Variants in PHACTR1 observed in about 807,000 individuals in gnomAD.
The protein encoded by PHACTR1 is RPEL repeat containing 1.
Under a neutral mutation model 69.2 loss-of-function variants are expected in PHACTR1, and 16 were observed. The observed-to-expected ratio is 0.23, with a 90% CI of 0.16 to 0.35. The LOEUF is 0.35. Among genes scored for constraint, PHACTR1 ranks in the 10% least tolerant of loss-of-function variants. The pLI is 1.00. For synonymous variants in PHACTR1, 312 were observed against 284.5 expected, an observed-to-expected ratio of 1.10 and a Z score of -0.97; for missense variants, 510 against 734.7, an observed-to-expected ratio of 0.69 and a Z score of 3.54.
intron 5 of PHACTR1, among the ~76,000 whole-genome samples, chr6:13,150,519 T>C (rs539479187): frequency 6.6e-5 from 10 of 152,324 alleles, no homozygotes; most frequent in African/African-American, 2.4e-4. Flanking sequence ...GTGGTACTCA[T>C]ACAAATTGCC....
chr6:12,794,070 C>G (rs1010620863), intron 4 of PHACTR1, among the ~76,000 whole-genome samples: 8 of 152,148 alleles, frequency 5.3e-5, no homozygotes, highest in Non-Finnish European at 7.3e-5. Context: ...AGCTGGGTGA[C>G]CTTAGAAAAA....
intron 5 of PHACTR1, among the ~76,000 whole-genome samples, chr6:13,085,049 A>G (rs1812050834): frequency 6.6e-6 from 1 of 152,144 alleles, no homozygotes; most frequent in South Asian, 2.1e-4. Context: ...ATATATACCA[A>G]TTAAAAGATG....
At chr6:12,854,010 G>A (rs551238914) in intron 4 of PHACTR1, among the ~76,000 whole-genome samples, 26 of 152,254 alleles carry the variant, frequency 1.7e-4, no homozygotes, top group African/African-American at 3.6e-4. Context: ...ACATATAGGC[G>A]TTGTCAATAC....
At chr6:12,926,245 C>A (rs2127521298) in intron 4 of PHACTR1, among the ~76,000 whole-genome samples, 1 of 152,260 alleles carries the variant, frequency 6.6e-6, no homozygotes, top group South Asian at 2.1e-4. Flanking sequence ...TCTCTTGGAT[C>A]TTCTCCACCA....
chr6:12,888,589 T>C (rs2127465228), intron 4 of PHACTR1, among the ~76,000 whole-genome samples: 1 of 152,350 alleles, frequency 6.6e-6, no homozygotes, highest in East Asian at 1.9e-4. Context: ...TGCCCATTAA[T>C]GGAACAACTT....
chr6:12,963,858 G>A (rs543022532), intron 4 of PHACTR1, among the ~76,000 whole-genome samples: 1 of 152,334 alleles, frequency 6.6e-6, no homozygotes, highest in Non-Finnish European at 1.5e-5. Context: ...TTCAGAGTAT[G>A]TTGGCACCTG....
At chr6:13,251,733 GCTCT>G (rs1362240936) in intron 10 of PHACTR1, among the ~76,000 whole-genome samples, 1 of 152,054 alleles carries the variant, frequency 6.6e-6, no homozygotes, top group Non-Finnish European at 1.5e-5. Flanking sequence ...GCTCTCAAGG[GCTCT>G]CTCTCAAGCC....
chr6:12,736,143 T>A (rs1212454437), intron 3 of PHACTR1, among the ~76,000 whole-genome samples: 1 of 152,226 alleles, frequency 6.6e-6, no homozygotes, highest in Non-Finnish European at 1.5e-5. Flanking sequence ...GTACTAAATT[T>A]AGTTGTAATA....
At chr6:12,726,812 C>T (rs1303766383) in intron 3 of PHACTR1, among the ~76,000 whole-genome samples, 3 of 152,188 alleles carry the variant, frequency 2.0e-5, no homozygotes, top group Non-Finnish European at 2.9e-5. Flanking sequence ...TAACTTTTTC[C>T]ATTCTCCCTT....
At chr6:12,863,344 G>T (rs1409231450) in intron 4 of PHACTR1, among the ~76,000 whole-genome samples, 1 of 152,238 alleles carries the variant, frequency 6.6e-6, no homozygotes, top group African/African-American at 2.4e-5. Flanking sequence ...TGGAGACTGA[G>T]TAAGCTCTGT....
chr6:13,175,152 C>T (rs1341509257), intron 6 of PHACTR1, among the ~76,000 whole-genome samples: 1 of 152,134 alleles, frequency 6.6e-6, no homozygotes, highest in East Asian at 1.9e-4. Context: ...GTTTAGCCAA[C>T]AATAAAGCAG....
At chr6:13,058,475 C>A (rs1807132325) in intron 5 of PHACTR1, among the ~76,000 whole-genome samples, 1 of 152,158 alleles carries the variant, frequency 6.6e-6, no homozygotes. Context: ...CCACCACATG[C>A]CGGAATGTCA....
chr6:13,149,135 T>G (rs1432341513), intron 5 of PHACTR1, among the ~76,000 whole-genome samples: 1 of 152,108 alleles, frequency 6.6e-6, no homozygotes, highest in African/African-American at 2.4e-5. Context: ...ACCTCCCTGG[T>G]GCCTTTTTAC....
chr6:13,168,413 A>T (rs966505890), intron 6 of PHACTR1, among the ~76,000 whole-genome samples: 3 of 152,218 alleles, frequency 2.0e-5, no homozygotes, highest in African/African-American at 7.2e-5. Flanking sequence ...GTGAGATAAT[A>T]ATTATTATTG....
At chr6:13,185,104 T>G in intron 7 of PHACTR1, 2 of 956,554 alleles carry the variant, frequency 2.1e-6, no homozygotes, top group Non-Finnish European at 2.8e-6. Flanking sequence ...GGCAGCTCTC[T>G]GGGGAGGTTG....
chr6:13,171,989 ACTC>A (rs1248933549), intron 6 of PHACTR1, among the ~76,000 whole-genome samples: 1 of 151,106 alleles, frequency 6.6e-6, no homozygotes, highest in Non-Finnish European at 1.5e-5. Context: ...CTGGTCTTGA[ACTC>A]CTGACCTCAG....
At chr6:12,732,419 A>G (rs760672488) in intron 3 of PHACTR1, among the ~76,000 whole-genome samples, 4 of 152,070 alleles carry the variant, frequency 2.6e-5, no homozygotes, top group Non-Finnish European at 5.9e-5. Context: ...ACATAGGTAT[A>G]CGTGTGTCAT....
intron 5 of PHACTR1, among the ~76,000 whole-genome samples, chr6:13,135,355 G>A (rs1477911360): frequency 1.3e-5 from 2 of 152,174 alleles, no homozygotes; most frequent in African/African-American, 2.4e-5. Flanking sequence ...AGCCCTGTGC[G>A]TCCCCAGCTG....
intron 4 of PHACTR1, among the ~76,000 whole-genome samples, chr6:12,895,428 C>T (rs1784570098): frequency 6.6e-6 from 1 of 152,160 alleles, no homozygotes; most frequent in Non-Finnish European, 1.5e-5. Context: ...GGTGATCTAC[C>T]TGCCTCAGCC....
Sources: allele counts gnomAD v4.1 joint callset (sites outside exome capture counted in the v4.1 genomes callset), GRCh38; gene constraint gnomAD v4.1.1; transcripts MANE v1.5; gene names NCBI Gene and HGNC (gene_info 2026-07-23, HGNC 2026-07-21).